The following DCDC2 variants were observed in gnomAD, a reference collection of about 807,000 sequenced individuals.
DCDC2 encodes the protein doublecortin domain containing 2, also known as doublecortin domain-containing protein 2.
DCDC2 carries 40 observed loss-of-function variants against 50.2 expected under a neutral mutation model. The observed-to-expected ratio is 0.80, with a 90% CI of 0.62 to 1.04. The LOEUF is 1.04. DCDC2 is among the 50% of genes least tolerant of loss of function. The pLI is 0.00. For synonymous variants in DCDC2, 234 were observed against 210.6 expected, an observed-to-expected ratio of 1.11 and a Z score of -0.96; for missense variants, 570 against 581.9, an observed-to-expected ratio of 0.98 and a Z score of 0.21.
chr6:24,364,124 T>C, the DCDC2 span, among the ~76,000 whole-genome samples: 1 of 152,070 alleles, frequency 6.6e-6, no homozygotes, highest in African/African-American at 2.4e-5. Flanking sequence ...TCCAACTCCC[T>C]CTATAGATCA....
chr6:24,353,712 A>G, intron 1 of DCDC2, 89 bp from the exon 2 acceptor site: 1 of 801,240 alleles, frequency 1.2e-6, no homozygotes, highest in Non-Finnish European at 1.9e-6. Flanking sequence ...AAATAAAGCA[A>G]CTCATAGGAA....
At chr6:24,328,010 T>C (rs1759905114) in intron 2 of DCDC2, among the ~76,000 whole-genome samples, 1 of 152,220 alleles carries the variant, frequency 6.6e-6, no homozygotes, top group Non-Finnish European at 1.5e-5. Flanking sequence ...CTATTCCATT[T>C]GCATGGATGA....
chr6:24,195,878 C>A (rs61054185), intron 8 of DCDC2, among the ~76,000 whole-genome samples: 2,270 of 152,296 alleles, frequency 0.015, 55 homozygotes, highest in African/African-American at 0.051. Context: ...TGGGCAGAAT[C>A]ACAACAGACC....
chr6:24,302,194 T>C, intron 2 of DCDC2, 150 bp from the exon 3 acceptor site: 1 of 649,752 alleles, frequency 1.5e-6, no homozygotes. Context: ...CTGTAAACTC[T>C]GAGCTCACCC....
intron 7 of DCDC2, among the ~76,000 whole-genome samples, chr6:24,251,838 T>A (rs1440492125): frequency 1.1e-4 from 16 of 152,238 alleles, no homozygotes; most frequent in Non-Finnish European, 1.5e-5. Context: ...CTGGACTCTT[T>A]CCAATTATAT....
chr6:24,252,449 G>C lies in DCDC2; in HGVS notation c.922+25600C>G, dbSNP rs111572515. On this transcript the variant is annotated intron_variant, in intron 7 of 9. Coordinates refer to ENST00000378454, the MANE Select transcript of DCDC2 (RefSeq NM_016356.5). Reference sequence around the variant, plus strand: ...GACACAAAGACCATGCTGACCTGCTGAGCAAAGCCACAGAACAAAAGGGAA... The same window carrying C: ...GACACAAAGACCATGCTGACCTGCTCAGCAAAGCCACAGAACAAAAGGGAA... Among the ~76,000 whole-genome samples, 526 of 152,192 alleles carry C rather than the reference G, an allele frequency of 3.5e-3. 1 individual carries two copies. The highest frequency in any genetic ancestry group is 5.8e-3 in the Non-Finnish European group (397 of 68,004).
At chr6:24,330,894 A>C (rs1759953000) in intron 2 of DCDC2, among the ~76,000 whole-genome samples, 1 of 152,234 alleles carries the variant, frequency 6.6e-6, no homozygotes. Flanking sequence ...TTTAGAAACT[A>C]GGCATTTTTA....
intron 2 of DCDC2, among the ~76,000 whole-genome samples, chr6:24,322,051 G>A (rs1042150734): frequency 5.3e-5 from 8 of 152,142 alleles, no homozygotes; most frequent in African/African-American, 1.7e-4. Flanking sequence ...GTCATATTCT[G>A]ATTTAACGCT....
intron 7 of DCDC2, among the ~76,000 whole-genome samples, chr6:24,221,464 T>G (rs72828999): frequency 0.092 from 14,033 of 152,156 alleles, 814 homozygotes; most frequent in East Asian, 0.17. Flanking sequence ...CTTCCACATC[T>G]CTGAAGTTTT....
the DCDC2 span, among the ~76,000 whole-genome samples, chr6:24,369,625 A>C: frequency 6.6e-6 from 1 of 152,102 alleles, no homozygotes; most frequent in Non-Finnish European, 1.5e-5. Context: ...AAAAATAGAC[A>C]TACTGAGTGT....
At chr6:24,195,624 A>G (rs190300399) in intron 8 of DCDC2, among the ~76,000 whole-genome samples, 1 of 152,292 alleles carries the variant, frequency 6.6e-6, no homozygotes, top group Admixed American at 6.5e-5. Flanking sequence ...TGTCATGTGC[A>G]TTACAAGATA....
intron 7 of DCDC2, among the ~76,000 whole-genome samples, chr6:24,245,305 C>T (rs932064047): frequency 3.3e-5 from 5 of 152,146 alleles, no homozygotes; most frequent in African/African-American, 1.2e-4. Context: ...TTAAGGTCCA[C>T]AAGTGGAGTG....
chr6:24,189,562 T>G lies in DCDC2; in HGVS notation c.1024-10930A>C, dbSNP rs560691195. Among the ~76,000 whole-genome samples the G allele has an allele frequency of 3.3e-5, 5 of 152,278 alleles. No homozygotes were observed. The South Asian group carries it at 1.0e-3, about 32-fold the overall frequency. The stretch of plus-strand genomic sequence containing the variant: ...ATGTCCAGCCCACTTTAGCAGTAAA[T>G]GTGATATTTCTTATATTTACATCAG... On this transcript the variant is annotated intron_variant, in intron 8 of 9. Coordinates refer to ENST00000378454, the MANE Select transcript of DCDC2 (RefSeq NM_016356.5).
At chr6:24,278,574 G>T (rs1763408926) in intron 6 of DCDC2, among the ~76,000 whole-genome samples, 1 of 152,084 alleles carries the variant, frequency 6.6e-6, no homozygotes, top group African/African-American at 2.4e-5. Context: ...CAGCAAGTGG[G>T]GTTTAGAGGA....
At chr6:24,237,327 A>G (rs1374599481) in intron 7 of DCDC2, among the ~76,000 whole-genome samples, 2 of 152,220 alleles carry the variant, frequency 1.3e-5, no homozygotes, top group Non-Finnish European at 2.9e-5. Flanking sequence ...CACTTGGTTT[A>G]CCTACATAAC....
At chr6:24,178,891 A>C (rs552796986) in intron 8 of DCDC2, among the ~76,000 whole-genome samples, 8 of 152,278 alleles carry the variant, frequency 5.3e-5, no homozygotes, top group African/African-American at 1.7e-4. Context: ...AAAACTAAAC[A>C]GGTGGAGCCC....
At chr6:24,365,132 C>T in the DCDC2 span, among the ~76,000 whole-genome samples, 1 of 152,094 alleles carries the variant, frequency 6.6e-6, no homozygotes, top group Non-Finnish European at 1.5e-5. Flanking sequence ...GGTGGCCTAC[C>T]CCAGTTGGCT....
At chr6:24,243,367 T>C (rs1762603910) in intron 7 of DCDC2, among the ~76,000 whole-genome samples, 1 of 152,178 alleles carries the variant, frequency 6.6e-6, no homozygotes, top group African/African-American at 2.4e-5. Context: ...ACAGAGCACA[T>C]TTAATCCAGG....
chr6:24,274,605 C>CAAAAAAAAAAAAAAAA (rs61569208), intron 7 of DCDC2, among the ~76,000 whole-genome samples: 17 of 82,414 alleles, frequency 2.1e-4, no homozygotes, highest in East Asian at 7.5e-4. Flanking sequence ...GAAACAGAGT[C>CAAAAAAAAAAAAAAAA]AAAAAAAAAA....
Sources: gnomAD v4.1 joint callset for allele counts (sites outside exome capture counted in the v4.1 genomes callset) on GRCh38, gnomAD v4.1.1 for gene constraint, MANE v1.5 for transcripts, NCBI Gene and HGNC (gene_info 2026-07-23, HGNC 2026-07-21) for gene names.